Variants in ZNF730 observed in about 807,000 individuals in gnomAD.
The protein encoded by ZNF730 is zinc finger protein 730.
In ZNF730, 12 loss-of-function variants were observed where a neutral mutation model predicts 12.6. The ratio of observed to expected loss-of-function variants is 0.95; its 90% confidence interval spans 0.61 to 1.54. ZNF730 has a LOEUF of 1.54. Among genes scored for constraint, ZNF730 ranks in the 40% most tolerant of loss-of-function variants. The pLI, the probability that ZNF730 is intolerant of heterozygous loss-of-function variation, is 0.00. For missense variants in ZNF730, 643 were observed against 583.5 expected (o/e 1.10, Z -1.05); for synonymous variants, 194 against 195.8 (o/e 0.99, Z 0.08).
intron 1 of ZNF730, among the ~76,000 whole-genome samples, chr19:23,077,187 G>A (rs1969877183): frequency 6.6e-6 from 1 of 152,134 alleles, no homozygotes; most frequent in Non-Finnish European, 1.5e-5. Flanking sequence ...CTATTGGAAG[G>A]AGGAGGGAGA....
intron 3 of ZNF730, among the ~76,000 whole-genome samples, chr19:23,138,559 A>C (rs1285315973): frequency 6.6e-6 from 1 of 152,196 alleles, no homozygotes; most frequent in Non-Finnish European, 1.5e-5. Context: ...TTTCAGAGTA[A>C]GTTCAAAATT....
intron 1 of ZNF730, among the ~76,000 whole-genome samples, chr19:23,083,093 A>AT (rs143529922): frequency 0.012 from 1,870 of 152,184 alleles, 21 homozygotes; most frequent in Middle Eastern, 0.031. Flanking sequence ...GGGAATGCAG[A>AT]TATCTTTTTG....
At chr19:23,132,024 C>G (rs557747082) in intron 1 of ZNF730, among the ~76,000 whole-genome samples, 39 of 147,946 alleles carry the variant, frequency 2.6e-4, no homozygotes, top group African/African-American at 9.7e-4. Flanking sequence ...TTTTTCTTAA[C>G]TGTAGCAGAA....
intron 3 of ZNF730, among the ~76,000 whole-genome samples, chr19:23,136,772 A>C (rs1214756217): frequency 2.0e-5 from 3 of 151,626 alleles, no homozygotes; most frequent in Non-Finnish European, 4.4e-5. Flanking sequence ...TTGGCTATTC[A>C]AAGTTTATTG....
At chr19:23,080,202 T>C (rs1466438311) in intron 1 of ZNF730, among the ~76,000 whole-genome samples, 1 of 152,176 alleles carries the variant, frequency 6.6e-6, no homozygotes, top group Non-Finnish European at 1.5e-5. Flanking sequence ...TCCTGTTGTA[T>C]ATATGTGCCG....
At chr19:23,144,576 T>C (rs1327278483) in intron 3 of ZNF730, among the ~76,000 whole-genome samples, 2 of 151,752 alleles carry the variant, frequency 1.3e-5, no homozygotes, top group Non-Finnish European at 2.9e-5. Flanking sequence ...GGCATGTGCC[T>C]GTAGTCCCAC....
chr19:23,146,991 C>A lies in ZNF730; in HGVS notation c.*435C>A. 1 of 341,100 alleles carries A rather than the reference C, an allele frequency of 2.9e-6. No individual in the cohort carries two copies. The highest frequency in any genetic ancestry group is 4.3e-5 in the Admixed American group (1 of 23,528). 21.1% of individuals were successfully genotyped at this position (341,100 alleles called of 1,614,324 possible). ...AGAAATATGAAGAATGTGACAAAGC[C>A]ATTAAATTGTTGTCACATTTAATTG... On this transcript the variant is annotated 3_prime_UTR_variant, in exon 4 of 4. Transcript: ENST00000597761.
rs987735820 is a variant in ZNF730 at position 23,141,175 on chromosome 19, A to T, written c.227-4096A>T. 5.3e-4 allele frequency among the ~76,000 whole-genome samples: 80 copies of T among 152,214 alleles called. 1 individual carries two copies. Among genetic ancestry groups the T allele is most frequent in the African/African-American group, 1.9e-3 (79 of 41,554 alleles). The stretch of plus-strand genomic sequence containing the variant: ...TTTGGGACGCCGAGGTGGGTGGATC[A>T]TGAGGTTAGGAAATCGAGACCATCC... On this transcript the variant is annotated intron_variant, in intron 3 of 3. Coordinates refer to ENST00000597761, the MANE Select transcript of ZNF730 (RefSeq NM_001277403.2).
At chr19:23,090,529 G>A (rs1041828997) in intron 1 of ZNF730, among the ~76,000 whole-genome samples, 2 of 152,130 alleles carry the variant, frequency 1.3e-5, no homozygotes, top group Admixed American at 1.3e-4. Flanking sequence ...GCCTGATGAT[G>A]CAATAGAAAA....
intron 1 of ZNF730, chr19:23,128,014 G>T (rs1457869695): frequency 8.0e-6 from 6 of 749,688 alleles, no homozygotes; most frequent in Admixed American, 6.9e-5. Flanking sequence ...CTATGGCATG[G>T]ACAAGATCTG....
At chr19:23,083,628 G>A (rs1970006265) in intron 1 of ZNF730, among the ~76,000 whole-genome samples, 1 of 150,438 alleles carries the variant, frequency 6.6e-6, no homozygotes, top group South Asian at 2.1e-4. Flanking sequence ...CATTCTAATA[G>A]CGTTAGGTTG....
chr19:23,118,200 G>A (rs1016959765), intron 1 of ZNF730, among the ~76,000 whole-genome samples: 6 of 149,726 alleles, frequency 4.0e-5, no homozygotes, highest in African/African-American at 9.8e-5. Context: ...CATTGGGTGG[G>A]ACATTTAAAA....
At chr19:23,085,963 G>A (rs577149826) in intron 1 of ZNF730, among the ~76,000 whole-genome samples, 3 of 145,754 alleles carry the variant, frequency 2.1e-5, no homozygotes, top group East Asian at 4.1e-4. Flanking sequence ...CTCTGCTTCA[G>A]CCTCCTGAGT....
intron 1 of ZNF730, among the ~76,000 whole-genome samples, chr19:23,118,124 C>T (rs1970555883): frequency 6.6e-6 from 1 of 152,142 alleles, no homozygotes; most frequent in South Asian, 2.1e-4. Flanking sequence ...CTCTAATTCA[C>T]ATTATTATCT....
chr19:23,104,805 A>G (rs1970373619), intron 1 of ZNF730, among the ~76,000 whole-genome samples: 1 of 152,154 alleles, frequency 6.6e-6, no homozygotes, highest in Non-Finnish European at 1.5e-5. Context: ...CCTTGTCTAC[A>G]CAGTCTCTGT....
chr19:23,099,291 C>G (rs1183475280), intron 1 of ZNF730, among the ~76,000 whole-genome samples: 2 of 152,042 alleles, frequency 1.3e-5, no homozygotes, highest in Non-Finnish European at 2.9e-5. Context: ...CTTAGAGCCG[C>G]ATAAGATCAT....
intron 1 of ZNF730, among the ~76,000 whole-genome samples, chr19:23,128,929 C>CATG (rs1165948556): frequency 1.3e-5 from 2 of 152,150 alleles, no homozygotes; most frequent in Non-Finnish European, 2.9e-5. Flanking sequence ...GTATTCCAGC[C>CATG]ACTACAGTCA....
At chr19:23,099,755 T>C (rs1015803512) in intron 1 of ZNF730, among the ~76,000 whole-genome samples, 5 of 152,198 alleles carry the variant, frequency 3.3e-5, no homozygotes, top group Admixed American at 6.5e-5. Flanking sequence ...TCATTTTTAA[T>C]GTCACCAAAA....
chr19:23,078,423 C>T (rs771359), intron 1 of ZNF730, among the ~76,000 whole-genome samples: 53,907 of 151,912 alleles, frequency 0.35, 10,422 homozygotes, highest in African/African-American at 0.51. Context: ...CTCTTTAATG[C>T]ACCAGAGATG....
Sources: gnomAD v4.1 joint callset for allele counts (sites outside exome capture counted in the v4.1 genomes callset) on GRCh38, gnomAD v4.1.1 for gene constraint, MANE v1.5 for transcripts, NCBI Gene and HGNC (gene_info 2026-07-23, HGNC 2026-07-21) for gene names.